The following MTDH variants were observed in gnomAD, a reference collection of about 807,000 sequenced individuals.
MTDH encodes protein LYRIC.
Under a neutral mutation model 72.7 loss-of-function variants are expected in MTDH, and 34 were observed. The ratio of observed to expected loss-of-function variants is 0.47; its 90% CI spans 0.36 to 0.62. MTDH has a LOEUF of 0.62. MTDH is among the 20% of genes least tolerant of loss of function. The probability of loss-of-function intolerance (pLI) is 0.00; values close to 1 mark genes in which losing one functional copy is unlikely to be tolerated. For synonymous variants in MTDH, 266 were observed against 268.9 expected (o/e 0.99, Z 0.10); for missense variants, 677 against 699.4 (o/e 0.97, Z 0.36).
intron 7 of MTDH, 151 bp downstream of exon 7, chr8:97,700,003 C>T: frequency 2.2e-6 from 1 of 461,602 alleles, no homozygotes; most frequent in East Asian, 3.4e-5. Flanking sequence ...TACTTGAAAC[C>T]TGATTATTGA....
intron 8 of MTDH, among the ~76,000 whole-genome samples, chr8:97,707,633 T>C (rs1179976293): frequency 6.6e-6 from 1 of 151,954 alleles, no homozygotes; most frequent in Non-Finnish European, 1.5e-5. Flanking sequence ...CAAGTAGCCA[T>C]AGATGATATG....
intron 2 of MTDH, among the ~76,000 whole-genome samples, chr8:97,663,006 T>TG (rs2089980383): frequency 6.6e-6 from 1 of 152,124 alleles, no homozygotes; most frequent in African/African-American, 2.4e-5. Flanking sequence ...AGTAATGACT[T>TG]GTGTTAACAA....
At chr8:97,705,296 C>T (rs1814304031) in intron 7 of MTDH, among the ~76,000 whole-genome samples, 3 of 136,806 alleles carry the variant, frequency 2.2e-5, no homozygotes, top group South Asian at 2.3e-4. Context: ...GACTCCATCT[C>T]AAAAAAAAAA....
chr8:97,723,819 T>C (rs775888597), intron 11 of MTDH, among the ~76,000 whole-genome samples: 14 of 151,598 alleles, frequency 9.2e-5, no homozygotes, highest in Non-Finnish European at 2.9e-5. Context: ...TTAAAATAAC[T>C]AAAGGAGGCT....
At chr8:97,719,715 C>CTG (rs1815031285) in intron 10 of MTDH, among the ~76,000 whole-genome samples, 1 of 152,124 alleles carries the variant, frequency 6.6e-6, no homozygotes, top group South Asian at 2.1e-4. Context: ...AAGAACCACA[C>CTG]TGTACTGTAT....
rs1811508221 is a variant in MTDH at position 97,644,960 on chromosome 8, C to G, written c.381+73C>G. 1.7e-5 allele frequency: 25 copies of G among 1,446,352 alleles called. No homozygotes were observed. In the South Asian group the frequency reaches 3.7e-4, roughly 22 times the overall value. 89.6% of individuals were successfully genotyped at this position (1,446,352 alleles called of 1,614,324 possible). ...GGAGACCCTCGAGCTTGGGGGAGGCCGCGCCCCAGCCGGGAAGGAAAAGAG... is the reference window on the plus strand; with the variant it reads ...GGAGACCCTCGAGCTTGGGGGAGGCGGCGCCCCAGCCGGGAAGGAAAAGAG... On this transcript the variant is annotated intron_variant, in intron 1 of 11. Transcript: ENST00000336273.
intron 1 of MTDH, among the ~76,000 whole-genome samples, chr8:97,650,218 A>C (rs1018659046): frequency 4.0e-5 from 6 of 151,824 alleles, no homozygotes; most frequent in African/African-American, 1.5e-4. Context: ...AGCCTCCCAA[A>C]GTGCTGGGAT....
chr8:97,726,000 A>G lies in MTDH; in HGVS notation c.*1330A>G, dbSNP rs147931488. 4.5e-3 allele frequency: 684 copies of G among 152,782 alleles called. 8 individuals carry two copies. The highest frequency in any genetic ancestry group is 0.015 in the African/African-American group (637 of 41,582). 9.5% of individuals were successfully genotyped at this position (152,782 alleles called of 1,614,324 possible). On this transcript the variant is annotated 3_prime_UTR_variant, in exon 12 of 12. Coordinates refer to ENST00000336273, the MANE Select transcript of MTDH (RefSeq NM_178812.4). The stretch of plus-strand genomic sequence containing the variant: ...TATTCGATGTGATTGGCTTGTTTTT[A>G]TGTGGCGCCAAGAACGAACCTGTTT...
At chr8:97,703,429 A>T (rs989426408) in intron 7 of MTDH, among the ~76,000 whole-genome samples, 1 of 152,232 alleles carries the variant, frequency 6.6e-6, no homozygotes, top group Non-Finnish European at 1.5e-5. Context: ...ATGTATTAAG[A>T]AAATGGGTGA....
At chr8:97,671,995 A>G (rs1313083095) in intron 2 of MTDH, among the ~76,000 whole-genome samples, 1 of 152,190 alleles carries the variant, frequency 6.6e-6, no homozygotes, top group Non-Finnish European at 1.5e-5. Flanking sequence ...ACATGCATTT[A>G]AACAAGTATA....
chr8:97,673,544 C>T (rs1265200198), intron 2 of MTDH, among the ~76,000 whole-genome samples: 1 of 152,058 alleles, frequency 6.6e-6, no homozygotes, highest in East Asian at 1.9e-4. Flanking sequence ...CCTGTAATCC[C>T]AGCTACTTGG....
chr8:97,651,847 A>G (rs981795426), intron 1 of MTDH, among the ~76,000 whole-genome samples: 1 of 152,074 alleles, frequency 6.6e-6, no homozygotes, highest in South Asian at 2.1e-4. Context: ...AGAACCTATT[A>G]TTTCTTGCCT....
intron 7 of MTDH, among the ~76,000 whole-genome samples, chr8:97,704,453 T>G: frequency 6.6e-6 from 1 of 152,050 alleles, no homozygotes; most frequent in Admixed American, 6.6e-5. Context: ...ACAAAAAGTT[T>G]AAAAATTAGC....
intron 1 of MTDH, among the ~76,000 whole-genome samples, chr8:97,645,643 A>G (rs966511829): frequency 2.0e-5 from 3 of 152,204 alleles, no homozygotes; most frequent in African/African-American, 7.2e-5. Flanking sequence ...GAATGGTGAA[A>G]GCCGAGAGAG....
rs1053466038 is a variant in MTDH at position 97,687,521 on chromosome 8, A to G, written c.661A>G (p.Ile221Val). 6.2e-7 allele frequency: 1 copy of G among 1,613,764 alleles called. No homozygotes were observed. The highest frequency in any genetic ancestry group is 8.5e-7 in the Non-Finnish European group (1 of 1,179,780). ...TGATTCTGGTTCATTGGATTCAACT[A>G]TCCCTGGGATAGAAAATACCATCAC... ...LTDSGSLDST[I>V]PGIENTITVT... The change falls in exon 4 of 12, where the codon ATC becomes GTC. Residue 221 changes from isoleucine to valine, a missense_variant. By Grantham distance (29) the Ile-to-Val change is conservative. Transcript: ENST00000336273.
At chr8:97,653,031 A>C (rs1811834950) in intron 1 of MTDH, among the ~76,000 whole-genome samples, 1 of 152,056 alleles carries the variant, frequency 6.6e-6, no homozygotes, top group Non-Finnish European at 1.5e-5. Context: ...AGACAGGGGA[A>C]TCGCTTGAAC....
At chr8:97,690,298 C>T (rs1813547516) in intron 5 of MTDH, among the ~76,000 whole-genome samples, 1 of 152,160 alleles carries the variant, frequency 6.6e-6, no homozygotes, top group Non-Finnish European at 1.5e-5. Flanking sequence ...AGCCTCATTT[C>T]ACACTTTTCA....
At chr8:97,714,381 G>A (rs1471522566) in intron 9 of MTDH, among the ~76,000 whole-genome samples, 5 of 152,180 alleles carry the variant, frequency 3.3e-5, no homozygotes, top group Non-Finnish European at 5.9e-5. Context: ...GGAAGGCTAA[G>A]GCAGGAGGAT....
intron 2 of MTDH, among the ~76,000 whole-genome samples, chr8:97,675,942 T>G (rs61330550): frequency 1.3e-5 from 2 of 148,506 alleles, no homozygotes; most frequent in South Asian, 2.1e-4. Context: ...CAAATAGGTT[T>G]TTTTTTTTTT....
Sources: allele counts gnomAD v4.1 joint callset (sites outside exome capture counted in the v4.1 genomes callset), GRCh38; gene constraint gnomAD v4.1.1; transcripts MANE v1.5; gene names NCBI Gene and HGNC (gene_info 2026-07-23, HGNC 2026-07-21).